The following SNX13 variants were observed in gnomAD, a reference collection of about 807,000 sequenced individuals.
SNX13 encodes the protein sorting nexin 13.
SNX13 carries 45 observed loss-of-function variants against 133.6 expected under a neutral mutation model. That is an observed-to-expected ratio of 0.34 (90% CI 0.27 to 0.43). The LOEUF (loss-of-function observed/expected upper bound fraction) is 0.43. SNX13 is among the 20% of genes least tolerant of loss of function. The pLI is 1.00. For missense variants in SNX13, 1,032 were observed against 1,145.1 expected (o/e 0.90, Z 1.43); for synonymous variants, 414 against 373.9 (o/e 1.11, Z -1.24).
At chr7:17,897,288 C>T in intron 2 of SNX13, 46 bp downstream of exon 2, 1 of 1,027,124 alleles carries the variant, frequency 9.7e-7, no homozygotes, top group Non-Finnish European at 1.3e-6. Flanking sequence ...TCCATTTTAA[C>T]AAGATATGAC....
At position 17,928,883 on chromosome 7, in the gene SNX13, C is replaced by T. The variant is rs920582406; in HGVS notation, c.12+11401G>A. Among the ~76,000 whole-genome samples, 69 of 152,046 alleles carry T rather than the reference C, an allele frequency of 4.5e-4. 1 individual carries two copies. Among genetic ancestry groups the T allele is most frequent in the Non-Finnish European group, 2.5e-4 (17 of 67,986 alleles). On this transcript the variant is annotated intron_variant, in intron 1 of 25. Coordinates refer to ENST00000428135, the MANE Select transcript of SNX13 (RefSeq NM_015132.5). Reference sequence around the variant, plus strand: ...GATGTCTTTTCAATCAAGATAAATTCAGATAAGGGGTATATGAGAAAATTA... The same window carrying T: ...GATGTCTTTTCAATCAAGATAAATTTAGATAAGGGGTATATGAGAAAATTA...
Position 17,901,393 on chromosome 7 carries a change from C to A in SNX13, c.13-3947G>T, listed in dbSNP as rs545726153. Among the ~76,000 whole-genome samples the A allele has an allele frequency of 5.3e-5, 8 of 152,280 alleles. No individual in the cohort carries two copies. In the South Asian group the frequency reaches 1.4e-3, roughly 28 times the overall value. ...CACCAGGACTCGCCCAGGAATTGCA[C>A]TCCTTGTGGCCTAGCCTGCCTTTCA... On this transcript the variant is annotated intron_variant, in intron 1 of 25. Transcript: ENST00000428135.
chr7:17,801,868 C>T (rs958849182), intron 21 of SNX13, among the ~76,000 whole-genome samples: 13 of 151,886 alleles, frequency 8.6e-5, no homozygotes, highest in Non-Finnish European at 1.5e-4. Flanking sequence ...AAATAAATGA[C>T]TTTTGAGTTA....
At chr7:17,815,617 G>C (rs1057420674) in intron 19 of SNX13, among the ~76,000 whole-genome samples, 1 of 152,012 alleles carries the variant, frequency 6.6e-6, no homozygotes, top group Non-Finnish European at 1.5e-5. Context: ...AAAATGGTAC[G>C]AAATAAAGTA....
intron 10 of SNX13, 28 bp downstream of exon 10, chr7:17,850,796 AAT>A (rs1791112210): frequency 6.8e-7 from 1 of 1,477,822 alleles, no homozygotes; most frequent in African/African-American, 1.4e-5. Context: ...ACTTCAAAAA[AAT>A]ATATCTTAAA....
chr7:17,921,775 T>C (rs1238117042), intron 1 of SNX13, among the ~76,000 whole-genome samples: 1 of 152,222 alleles, frequency 6.6e-6, no homozygotes, highest in Non-Finnish European at 1.5e-5. Context: ...AAAGCTGATA[T>C]AAGAGCATTG....
chr7:17,858,780 C>A lies in SNX13; in HGVS notation c.838-7816G>T, dbSNP rs186663452. Among the ~76,000 whole-genome samples, 264 of 152,054 alleles carry A rather than the reference C, an allele frequency of 1.7e-3. 1 individual carries two copies. The highest frequency in any genetic ancestry group is 3.2e-3 in the Non-Finnish European group (218 of 67,900). ...GCATATGGGTACACAAAGAGAGCAA[C>A]AGAAAAGAAGAGGCCAGAATCAGAA... is the stretch of plus-strand genomic sequence containing the variant. On this transcript the variant is annotated intron_variant, in intron 9 of 25. Coordinates refer to ENST00000428135, the MANE Select transcript of SNX13 (RefSeq NM_015132.5).
chr7:17,831,238 G>A (rs916603858), intron 15 of SNX13: 4 of 983,582 alleles, frequency 4.1e-6, no homozygotes, highest in East Asian at 1.1e-4. Context: ...ATCAAGAATT[G>A]GATGACTACC....
intron 20 of SNX13, among the ~76,000 whole-genome samples, chr7:17,805,823 T>A (rs1381313715): frequency 6.6e-6 from 1 of 151,772 alleles, no homozygotes; most frequent in Non-Finnish European, 1.5e-5. Context: ...TTTTTTTTGT[T>A]TGTTTTCCCC....
Position 17,835,281 on chromosome 7 carries a change from A to C in SNX13, c.1360-416T>G, listed in dbSNP as rs575786675. On this transcript the variant is annotated intron_variant, in intron 13 of 25. Coordinates refer to ENST00000428135, the MANE Select transcript of SNX13 (RefSeq NM_015132.5). Reference sequence around the variant, plus strand: ...GAGTCAGTGTTTAGTATTCAGTAGTACTAGATGTGTATTAATATGACTGCT... The same window carrying C: ...GAGTCAGTGTTTAGTATTCAGTAGTCCTAGATGTGTATTAATATGACTGCT... 4.5e-3 allele frequency among the ~76,000 whole-genome samples: 681 copies of C among 152,048 alleles called. 10 individuals are homozygous for C. The highest frequency in any genetic ancestry group is 0.016 in the African/African-American group (657 of 41,528).
intron 18 of SNX13, among the ~76,000 whole-genome samples, chr7:17,819,479 A>C (rs1583355370): frequency 6.6e-6 from 1 of 152,114 alleles, no homozygotes; most frequent in Non-Finnish European, 1.5e-5. Flanking sequence ...TGCCCACCTC[A>C]GCCTCCCAAA....
intron 9 of SNX13, among the ~76,000 whole-genome samples, chr7:17,857,704 G>C (rs1583502859): frequency 6.6e-6 from 1 of 152,174 alleles, no homozygotes; most frequent in East Asian, 1.9e-4. Flanking sequence ...AGAATTGCTT[G>C]AACCTGGGAG....
At chr7:17,889,100 C>A (rs1195398214) in intron 5 of SNX13, 1 of 162,738 alleles carries the variant, frequency 6.1e-6, no homozygotes, top group Non-Finnish European at 1.3e-5. Context: ...GAAGAGTTAT[C>A]TGAAAGAATA....
At chr7:17,934,271 G>C (rs1423770000) in intron 1 of SNX13, among the ~76,000 whole-genome samples, 1 of 152,108 alleles carries the variant, frequency 6.6e-6, no homozygotes, top group Non-Finnish European at 1.5e-5. Context: ...CAATTGAGGA[G>C]GCACTTCATG....
At chr7:17,905,974 G>A (rs1798355088) in intron 1 of SNX13, among the ~76,000 whole-genome samples, 1 of 151,922 alleles carries the variant, frequency 6.6e-6, no homozygotes, top group Non-Finnish European at 1.5e-5. Context: ...CCTTGCTCTG[G>A]CATGTCTAAA....
At chr7:17,926,514 G>T (rs913984070) in intron 1 of SNX13, among the ~76,000 whole-genome samples, 2 of 152,128 alleles carry the variant, frequency 1.3e-5, no homozygotes, top group Admixed American at 6.5e-5. Flanking sequence ...ACATATACTT[G>T]TAAAAATACA....
chr7:17,832,745 C>T (rs116864649), intron 15 of SNX13, among the ~76,000 whole-genome samples: 4 of 151,348 alleles, frequency 2.6e-5, no homozygotes, highest in Non-Finnish European at 5.9e-5. Flanking sequence ...TCAGTTAATA[C>T]ATTATTCCAA....
At chr7:17,819,161 C>T (rs1232192973) in intron 18 of SNX13, among the ~76,000 whole-genome samples, 2 of 152,156 alleles carry the variant, frequency 1.3e-5, no homozygotes, top group Admixed American at 6.5e-5. Flanking sequence ...TCTTATAAGT[C>T]TCCATAAAAT....
chr7:17,909,119 ATGCT>A (rs1450232070), intron 1 of SNX13, among the ~76,000 whole-genome samples: 1 of 152,126 alleles, frequency 6.6e-6, no homozygotes, highest in African/African-American at 2.4e-5. Context: ...CATTAGAGAA[ATGCT>A]AATCAAAAAA....
Sources: gnomAD v4.1 joint callset for allele counts (sites outside exome capture counted in the v4.1 genomes callset) on GRCh38, gnomAD v4.1.1 for gene constraint, MANE v1.5 for transcripts, NCBI Gene and HGNC (gene_info 2026-07-23, HGNC 2026-07-21) for gene names.